PHRF1: variants seen among roughly 807,000 people sequenced by gnomAD.
PHRF1 encodes PHD and RING finger domain-containing protein 1.
A neutral mutation model predicts 128.9 loss-of-function variants in PHRF1; 53 were observed. The ratio of observed to expected loss-of-function variants is 0.41; its 90% CI spans 0.33 to 0.52. The LOEUF is 0.52. Ranked by LOEUF, PHRF1 falls within the 20% of genes least tolerant of loss-of-function variation. PHRF1 has a pLI of 0.21. For synonymous variants in PHRF1, 1,178 were observed against 980.6 expected (o/e 1.20, Z -3.76); for missense variants, 2,503 against 2,284.5 (o/e 1.10, Z -1.95).
chr11:577,008 G>A (rs1853897297), intron 1 of PHRF1, among the ~76,000 whole-genome samples: 1 of 152,184 alleles, frequency 6.6e-6, no homozygotes, highest in Non-Finnish European at 1.5e-5. Flanking sequence ...CCACGCCCAT[G>A]CCCCCTGCGA....
chr11:580,083 C>T (rs923180736), intron 1 of PHRF1, among the ~76,000 whole-genome samples: 4 of 152,160 alleles, frequency 2.6e-5, no homozygotes, highest in East Asian at 1.9e-4. Context: ...TTGTGCGATG[C>T]GCTTTCCTCT....
At chr11:582,919 A>G (rs1024405603) in intron 3 of PHRF1, among the ~76,000 whole-genome samples, 2 of 151,020 alleles carry the variant, frequency 1.3e-5, no homozygotes, top group Non-Finnish European at 2.9e-5. Flanking sequence ...CTGTAATCCC[A>G]GCTACTCGGA....
chr11:585,254 A>C (rs1290499935), intron 3 of PHRF1, among the ~76,000 whole-genome samples: 5 of 149,838 alleles, frequency 3.3e-5, no homozygotes, highest in Non-Finnish European at 7.4e-5. Context: ...TTGAGGTAGT[A>C]GCCCTTTCCA....
chr11:609,507 G>A lies in PHRF1; in HGVS notation c.4051G>A (p.Ala1351Thr), dbSNP rs768256296. ...GGAGCCACATTTGCTCAGGCCGGAC[G>A]CGGCTGAGAAGGCTGAGGCACCCAG... ...TQEPHLLRPD[A>T]AEKAEAPSSP... The change falls in exon 14 of 18, where the codon GCG becomes ACG. Residue 1351 changes from alanine (A) to threonine (T), a missense_variant. By Grantham distance (58) the Ala-to-Thr change is moderately conservative (BLOSUM62 0). Coordinates refer to ENST00000264555, the MANE Select transcript of PHRF1 (RefSeq NM_001286581.2). 1.1e-5 allele frequency: 17 copies of A among 1,603,090 alleles called. No individual in the cohort carries two copies. The highest frequency in any genetic ancestry group is 8.9e-5 in the South Asian group (8 of 90,366).
chr11:590,410 G>A (rs1378745098), intron 4 of PHRF1, among the ~76,000 whole-genome samples: 1 of 152,226 alleles, frequency 6.6e-6, no homozygotes, highest in Non-Finnish European at 1.5e-5. Context: ...CATGAGCAGA[G>A]TCCATGCTGC....
In PHRF1 at chr11:579,220, TCCCCCAGCCCTGCTCCTC is replaced by T. The variant is rs554733182; in HGVS notation, c.-21-2238_-21-2221del. Reference sequence around the variant, plus strand: ...ACTCGGGACAGTTGGACCCTGGGACTCCCCCAGCCCTGCTCCTCCCCCCAGCCCTGCTCCTCCCCCCAG... The same window carrying T: ...ACTCGGGACAGTTGGACCCTGGGACTCCCCCAGCCCTGCTCCTCCCCCCAG... On this transcript the variant is annotated intron_variant, in intron 1 of 17. Transcript: ENST00000264555. 4.0e-3 allele frequency among the ~76,000 whole-genome samples: 454 copies of T among 114,716 alleles called. 6 individuals are homozygous for T. Among genetic ancestry groups the T allele is most frequent in the African/African-American group, 0.015 (396 of 26,760 alleles). 75.3% of individuals were successfully genotyped at this position (114,716 alleles called of 152,430 possible). A position where few individuals can be genotyped will look rare whatever the true frequency, so the allele number is the denominator to read the frequency against.
Position 600,741 on chromosome 11 carries a change from C to T in PHRF1, c.1025-833C>T, listed in dbSNP as rs528467673. 4.0e-5 allele frequency among the ~76,000 whole-genome samples: 6 copies of T among 151,740 alleles called. No individual in the cohort carries two copies. In the South Asian group the frequency reaches 1.3e-3, roughly 32 times the overall value. On this transcript the variant is annotated intron_variant, in intron 9 of 17. Transcript: ENST00000264555. Reference sequence around the variant, plus strand: ...CAGCACTTTGGGAGGCCGAGGTGGGCGGATCACGAGGTCAGGAGATCGAGA... The same window carrying T: ...CAGCACTTTGGGAGGCCGAGGTGGGTGGATCACGAGGTCAGGAGATCGAGA...
At position 609,077 on chromosome 11, in the gene PHRF1, A is replaced by C; in HGVS notation, c.3621A>C (p.Ala1207=). Residue 1207 remains alanine, a synonymous_variant, in exon 14 of 18, where the codon GCA becomes GCC. Coordinates refer to ENST00000264555, the MANE Select transcript of PHRF1 (RefSeq NM_001286581.2). ...GGGAGGCTTCCCCAGCGCCCCTTGC[A>C]CAGGGGGAGCCAGGGCGGGAAGACC... ...AVREASPAPL[A]QGEPGREDLP... is the part of the protein sequence containing the mutation. The C allele has an allele frequency of 6.2e-7, 1 of 1,602,072 alleles. No homozygotes were observed. The highest frequency in any genetic ancestry group is 8.5e-7 in the Non-Finnish European group (1 of 1,174,872).
chr11:599,660 C>T (rs983306059), intron 9 of PHRF1, among the ~76,000 whole-genome samples: 2 of 152,132 alleles, frequency 1.3e-5, no homozygotes, highest in Non-Finnish European at 2.9e-5. Flanking sequence ...GTTATGAGAC[C>T]ACACTTCAGC....
intron 6 of PHRF1, among the ~76,000 whole-genome samples, chr11:596,494 G>A (rs1253734867): frequency 2.0e-5 from 3 of 152,188 alleles, no homozygotes; most frequent in Admixed American, 1.3e-4. Context: ...AGCCACTGTC[G>A]GCCTGTGGGT....
intron 9 of PHRF1, among the ~76,000 whole-genome samples, chr11:600,655 ACT>A (rs1461875255): frequency 2.0e-5 from 3 of 149,502 alleles, no homozygotes; most frequent in Non-Finnish European, 4.5e-5. Context: ...ACTTAACAAA[ACT>A]CTGTCTCTAT....
intron 3 of PHRF1, among the ~76,000 whole-genome samples, chr11:584,243 C>T (rs12803048): frequency 0.2 from 30,842 of 152,106 alleles, 3,237 homozygotes; most frequent in Admixed American, 0.24. Context: ...AGTAGGTCTC[C>T]GCACCAGTTC....
At chr11:593,452 A>T (rs1225614226) in intron 6 of PHRF1, among the ~76,000 whole-genome samples, 2 of 152,206 alleles carry the variant, frequency 1.3e-5, no homozygotes, top group African/African-American at 4.8e-5. Flanking sequence ...CGCACCGAGG[A>T]TGGGCTCCTG....
chr11:598,551 C>T lies in PHRF1; in HGVS notation c.1024+49C>T, dbSNP rs778335471. On this transcript the variant is annotated intron_variant, in intron 9 of 17. Transcript: ENST00000264555. ...CCCGCCAGCCACAGGCTGGGACCCA[C>T]GCCCGAGGTCCACTCACTGCTTCCC... 10 of 1,565,114 alleles carry T rather than the reference C, an allele frequency of 6.4e-6. 1 individual carries two copies. The highest frequency in any genetic ancestry group is 1.2e-5 in the South Asian group (1 of 86,430).
intron 3 of PHRF1, among the ~76,000 whole-genome samples, chr11:582,619 G>C (rs1405456736): frequency 4.6e-5 from 7 of 151,804 alleles, no homozygotes; most frequent in African/African-American, 1.7e-4. Context: ...CTGCCTCCTG[G>C]GTTCACACCA....
At chr11:579,162 C>G (rs946218446) in intron 1 of PHRF1, among the ~76,000 whole-genome samples, 1 of 152,172 alleles carries the variant, frequency 6.6e-6, no homozygotes, top group Non-Finnish European at 1.5e-5. Context: ...TTTTTACTTT[C>G]TATGTGAAAT....
At chr11:585,557 C>T (rs1589863087) in intron 3 of PHRF1, among the ~76,000 whole-genome samples, 1 of 129,320 alleles carries the variant, frequency 7.7e-6, no homozygotes, top group Non-Finnish European at 1.6e-5. Context: ...GGTAGTAGCC[C>T]TTTCCAGCTT....
chr11:599,386 A>G (rs1322221591), intron 9 of PHRF1, among the ~76,000 whole-genome samples: 1 of 150,662 alleles, frequency 6.6e-6, no homozygotes, highest in Non-Finnish European at 1.5e-5. Context: ...AAGTAGCTGG[A>G]ATTACAGGCA....
Position 606,377 on chromosome 11 carries a change from G to C in PHRF1, c.1455-65G>C, listed in dbSNP as rs561111377. On this transcript the variant is annotated intron_variant, in intron 12 of 17. Transcript: ENST00000264555. ...TGGCTCCCGCCTGCTGCGGGGCTCT[G>C]CCTGGGTGCGGGCCCTCAGGCCGTG... 4.7e-6 allele frequency: 7 copies of C among 1,480,220 alleles called. No homozygotes were observed. In the Admixed American group the frequency reaches 1.3e-4, roughly 28 times the overall value. 91.7% of individuals were successfully genotyped at this position (1,480,220 alleles called of 1,614,324 possible).
Sources: allele counts gnomAD v4.1 joint callset (sites outside exome capture counted in the v4.1 genomes callset), GRCh38; gene constraint gnomAD v4.1.1; transcripts MANE v1.5; gene names NCBI Gene and HGNC (gene_info 2026-07-23, HGNC 2026-07-21).